Variants in FSTL4 observed in about 807,000 individuals in gnomAD.
The protein encoded by FSTL4 is follistatin-related protein 4.
FSTL4 carries 28 observed loss-of-function variants against 78.2 expected under a neutral mutation model. The ratio of observed to expected loss-of-function variants is 0.36; its 90% CI spans 0.27 to 0.49. The LOEUF is 0.49. Among genes scored for constraint, FSTL4 ranks in the 20% least tolerant of loss-of-function variants. The pLI is 0.98. For synonymous variants in FSTL4, 422 were observed against 440.5 expected, an observed-to-expected ratio of 0.96 and a Z score of 0.53; for missense variants, 922 against 1,084.9, an observed-to-expected ratio of 0.85 and a Z score of 2.11.
At chr5:133,790,597 G>A in the FSTL4 span, among the ~76,000 whole-genome samples, 5 of 152,196 alleles carry the variant, frequency 3.3e-5, no homozygotes, top group South Asian at 2.1e-4. Context: ...CCAGATGAAC[G>A]AAGCCAGCTG....
At chr5:133,604,593 C>T (rs1760937176) in intron 1 of FSTL4, among the ~76,000 whole-genome samples, 1 of 152,092 alleles carries the variant, frequency 6.6e-6, no homozygotes, top group African/African-American at 2.4e-5. Context: ...CCTGTAATTC[C>T]AGCTACTCAG....
At chr5:133,785,577 T>C in the FSTL4 span, among the ~76,000 whole-genome samples, 1 of 152,158 alleles carries the variant, frequency 6.6e-6, no homozygotes, top group Non-Finnish European at 1.5e-5. Flanking sequence ...GGCCTCAGTT[T>C]ATGCACCCAT....
At chr5:133,597,861 G>C (rs991233856) in intron 2 of FSTL4, among the ~76,000 whole-genome samples, 7 of 152,314 alleles carry the variant, frequency 4.6e-5, no homozygotes, top group Admixed American at 6.5e-5. Flanking sequence ...ACGGTGGTAA[G>C]CAAGAAGTGA....
intron 3 of FSTL4, among the ~76,000 whole-genome samples, chr5:133,468,130 G>A (rs1213601744): frequency 6.6e-6 from 1 of 152,158 alleles, no homozygotes; most frequent in Non-Finnish European, 1.5e-5. Context: ...CCTCTTGCTG[G>A]GAAGATGAAA....
chr5:133,622,470 A>T, the FSTL4 span, among the ~76,000 whole-genome samples: 19 of 152,200 alleles, frequency 1.2e-4, no homozygotes, highest in African/African-American at 3.6e-4. Flanking sequence ...TTCGAATAAA[A>T]ATGTTACACG....
At position 133,504,307 on chromosome 5, in the gene FSTL4, A is replaced by T. The variant is rs73283677; in HGVS notation, c.160+62879T>A. Among the ~76,000 whole-genome samples the T allele has an allele frequency of 6.8e-3, 1,028 of 152,204 alleles. 10 individuals carry two copies. Among genetic ancestry groups the T allele is most frequent in the African/African-American group, 0.024 (991 of 41,536 alleles). On this transcript the variant is annotated intron_variant, in intron 3 of 15. Coordinates refer to ENST00000265342, the MANE Select transcript of FSTL4 (RefSeq NM_015082.2). ...CCCTGAAGCTCCTTTTTCACTTTCCATATCCAGTAAGTCACCATATCTGAT... is the reference window on the plus strand; with the variant it reads ...CCCTGAAGCTCCTTTTTCACTTTCCTTATCCAGTAAGTCACCATATCTGAT...
rs1755443085 is a variant in FSTL4, at chr5:133,376,687, G to C, written c.409+24051C>G. On this transcript the variant is annotated intron_variant, in intron 4 of 15. Coordinates refer to ENST00000265342, the MANE Select transcript of FSTL4 (RefSeq NM_015082.2). ...GTGGATCACCTGAGGTCAGGAGTTT[G>C]AGACCAACCTGACCAACATGGTGAA... is the stretch of plus-strand genomic sequence containing the variant. Among the ~76,000 whole-genome samples, 3 of 152,142 alleles carry C rather than the reference G, an allele frequency of 2.0e-5. No individual in the cohort carries two copies. The South Asian group carries it at 6.2e-4, about 32-fold the overall frequency.
the FSTL4 span, among the ~76,000 whole-genome samples, chr5:133,628,358 TTTCTTTTC>T: frequency 3.0e-5 from 4 of 135,132 alleles, no homozygotes; most frequent in African/African-American, 1.4e-4. Flanking sequence ...TTTCTTTTCT[TTTCTTTTC>T]TTTTTTTTTT....
intron 3 of FSTL4, among the ~76,000 whole-genome samples, chr5:133,556,852 T>C (rs995138630): frequency 1.3e-5 from 2 of 152,134 alleles, no homozygotes; most frequent in Non-Finnish European, 2.9e-5. Context: ...CTGACAAACA[T>C]CATCAAGGAA....
intron 11 of FSTL4, among the ~76,000 whole-genome samples, chr5:133,222,998 G>A (rs1751196725): frequency 6.6e-6 from 1 of 152,204 alleles, no homozygotes; most frequent in Non-Finnish European, 1.5e-5. Flanking sequence ...AGGCGGCTGT[G>A]GGTCTTTAGC....
At position 133,199,557 on chromosome 5, in the gene FSTL4, T is replaced by C. The variant is rs1235296490; in HGVS notation, c.2067A>G (p.Thr689=). The part of the protein sequence containing the change: ...DSVLGPNGDV[T]GTPHTSPDGR... ...CGTCGGGGGATGTGTGTGGGGTGCC[T>C]GTTACATCACCATTGGGGCCAAGCA... is the stretch of plus-strand genomic sequence containing the variant. The change falls in exon 16 of 16, where the codon ACA becomes ACG. Residue 689 remains threonine, a synonymous_variant. Transcript: ENST00000265342. The surrounding 1 kb of genome is among the most constrained non-coding windows in gnomAD (Gnocchi z 4.4). 2.0e-5 allele frequency: 32 copies of C among 1,613,808 alleles called. No individual in the cohort carries two copies. In the Admixed American group the frequency reaches 5.2e-4, roughly 26 times the overall value.
chr5:133,774,533 A>T, the FSTL4 span, among the ~76,000 whole-genome samples: 1 of 152,232 alleles, frequency 6.6e-6, no homozygotes. Flanking sequence ...GTCACTGATA[A>T]GCAAAATCTA....
intron 3 of FSTL4, among the ~76,000 whole-genome samples, chr5:133,492,677 G>T (rs1758290192): frequency 6.6e-6 from 1 of 152,156 alleles, no homozygotes; most frequent in African/African-American, 2.4e-5. Context: ...TACTGTTCAT[G>T]ATTTGGAGTG....
At chr5:133,621,743 C>T in the FSTL4 span, among the ~76,000 whole-genome samples, 1 of 151,708 alleles carries the variant, frequency 6.6e-6, no homozygotes, top group Non-Finnish European at 1.5e-5. Flanking sequence ...ATCCCAACAA[C>T]TTATGGAAAA....
At chr5:133,816,930 AG>A in the FSTL4 span, among the ~76,000 whole-genome samples, 5 of 152,162 alleles carry the variant, frequency 3.3e-5, no homozygotes, top group African/African-American at 1.2e-4. Flanking sequence ...CAGGGAGATC[AG>A]GGGTGTAAAG....
At position 133,312,714 on chromosome 5, in the gene FSTL4, G is replaced by A. The variant is rs148048628; in HGVS notation, c.667C>T (p.Arg223Ter). Residue 223 changes from arginine (R) to a stop codon, truncating the protein, a stop_gained, in exon 6 of 16, where the codon CGA (arginine) becomes TGA (stop). Transcript: ENST00000265342. LOFTEE classifies it high-confidence loss of function. ...LLGCSPGDLL[R>*]FDDYNSDSSL... ...CTGTCACTGTTGTAATCGTCAAATC[G>A]GAGGAGGTCACCTGGTGAGCAACCA... 9.3e-6 allele frequency: 15 copies of A among 1,613,504 alleles called. No homozygotes were observed. The highest frequency in any genetic ancestry group is 2.7e-5 in the African/African-American group (2 of 74,906).
At chr5:133,404,268 C>A (rs1473814343) in intron 3 of FSTL4, among the ~76,000 whole-genome samples, 1 of 152,172 alleles carries the variant, frequency 6.6e-6, no homozygotes, top group Non-Finnish European at 1.5e-5. Flanking sequence ...CCCCTTGTTA[C>A]CACTTCCTCC....
At chr5:133,710,384 A>G in the FSTL4 span, among the ~76,000 whole-genome samples, 3 of 152,250 alleles carry the variant, frequency 2.0e-5, no homozygotes, top group East Asian at 5.8e-4. Flanking sequence ...TTTGCCAGGG[A>G]CAGCCTGGGT....
At chr5:133,293,714 C>T (rs1160287024) in intron 6 of FSTL4, among the ~76,000 whole-genome samples, 2 of 152,164 alleles carry the variant, frequency 1.3e-5, no homozygotes, top group Admixed American at 6.5e-5. Context: ...CCCCAGGAGA[C>T]GGAAGAACCA....
Sources: gnomAD v4.1 joint callset for allele counts (sites outside exome capture counted in the v4.1 genomes callset) on GRCh38, gnomAD v4.1.1 for gene constraint, Gnocchi (gnomAD v3.1) non-coding constraint, MANE v1.5 for transcripts, NCBI Gene and HGNC (gene_info 2026-07-23, HGNC 2026-07-21) for gene names.